Variants in MTMR12 observed in about 807,000 individuals in gnomAD.
The protein encoded by MTMR12 is myotubularin related protein 12.
In MTMR12, 33 loss-of-function variants were observed where a neutral mutation model predicts 96.7. The observed-to-expected ratio is 0.34, with a 90% CI of 0.26 to 0.46. MTMR12 has a LOEUF of 0.46. MTMR12 is among the 20% of genes least tolerant of loss of function. The probability of loss-of-function intolerance (pLI) is 1.00; values close to 1 mark genes in which losing one functional copy is unlikely to be tolerated. For missense variants in MTMR12, 721 were observed against 896.1 expected (o/e 0.80, Z 2.49); for synonymous variants, 298 against 327.2 (o/e 0.91, Z 0.96).
At chr5:32,296,509 A>G (rs1249049977) in intron 1 of MTMR12, 1 of 351,640 alleles carries the variant, frequency 2.8e-6, no homozygotes, top group Non-Finnish European at 5.9e-6. Context: ...AAAAAGGTGT[A>G]ATTGGCTGGG....
intron 1 of MTMR12, among the ~76,000 whole-genome samples, chr5:32,295,039 G>GA (rs1750873849): frequency 6.6e-6 from 1 of 152,306 alleles, no homozygotes; most frequent in Admixed American, 6.5e-5. Context: ...ACTAAAGACT[G>GA]AATGAATCCA....
chr5:32,296,343 G>A (rs1370874218), intron 1 of MTMR12: 1 of 167,012 alleles, frequency 6.0e-6, no homozygotes, highest in East Asian at 1.9e-4. Context: ...ACCTGGGCAT[G>A]TTGTGTGTAC....
chr5:32,274,459 T>C (rs543187716), intron 2 of MTMR12, among the ~76,000 whole-genome samples: 33 of 152,324 alleles, frequency 2.2e-4, no homozygotes, highest in Admixed American at 9.1e-4. Flanking sequence ...TTCATTACTT[T>C]GACCCAAGCA....
rs535799633 is a variant in MTMR12 at position 32,238,906 on chromosome 5, C to A, written c.1344+95G>T. On this transcript the variant is annotated intron_variant, in intron 13 of 15. Transcript: ENST00000382142. ...ACAAACCTGTTTGGCTTACACTTTG[C>A]AAGCAGCAATCCTACTACATCTGAT... 19 of 1,305,706 alleles carry A rather than the reference C, an allele frequency of 1.5e-5. No individual in the cohort carries two copies. The South Asian group carries it at 4.1e-4, about 28-fold the overall frequency. 80.9% of individuals were successfully genotyped at this position (1,305,706 alleles called of 1,614,324 possible). A position where few individuals can be genotyped will look rare whatever the true frequency, so the allele number is the denominator to read the frequency against.
intron 8 of MTMR12, among the ~76,000 whole-genome samples, chr5:32,255,387 G>A (rs1223770461): frequency 6.6e-6 from 1 of 152,210 alleles, no homozygotes; most frequent in Non-Finnish European, 1.5e-5. Flanking sequence ...CCCTTGGCGT[G>A]CTTTGGCTCA....
At chr5:32,236,408 A>G (rs1473527075) in intron 13 of MTMR12, among the ~76,000 whole-genome samples, 1 of 152,144 alleles carries the variant, frequency 6.6e-6, no homozygotes, top group Non-Finnish European at 1.5e-5. Context: ...TTAGCTAGGC[A>G]TGGTAGTGTA....
At chr5:32,246,169 A>AGTTTTTTTTTTTTC (rs1554056236) in intron 10 of MTMR12, among the ~76,000 whole-genome samples, 1 of 130,828 alleles carries the variant, frequency 7.6e-6, no homozygotes, top group Non-Finnish European at 1.6e-5. Context: ...TTGAGTAGAC[A>AGTTTTTTTTTTTTC]GTTTTTTTTT....
chr5:32,240,788 A>G (rs946989331), intron 12 of MTMR12, among the ~76,000 whole-genome samples: 1 of 152,128 alleles, frequency 6.6e-6, no homozygotes, highest in Non-Finnish European at 1.5e-5. Flanking sequence ...ATTAGTAGAG[A>G]CAGGGTTTCG....
At chr5:32,234,731 A>G in intron 14 of MTMR12, 1 of 370,604 alleles carries the variant, frequency 2.7e-6, no homozygotes. Flanking sequence ...TCTTAGACCA[A>G]TGCTTGGTAT....
In MTMR12 at chr5:32,273,982, C is replaced by T; in HGVS notation, c.283G>A (p.Asp95Asn). ...TGCCAAATGCAGCCCATACATACAT[C>T]ATTATCCAATGCAGATTCATCATCA... Reference protein sequence around the residue: ...LGDDESALDNDETQFKNKVIG... With the variant: ...LGDDESALDNNETQFKNKVIG... The change falls in exon 3 of 16, where the codon GAT (aspartate) becomes AAT (asparagine). Residue 95 changes from aspartate (D) to asparagine (N), a missense_variant and splice_region_variant. Physicochemically the swap from Asp to Asn is conservative, Grantham distance 23 (BLOSUM62 1). Coordinates refer to ENST00000382142, the MANE Select transcript of MTMR12 (RefSeq NM_001040446.3). 6.2e-7 allele frequency: 1 copy of T among 1,614,114 alleles called. No homozygotes were observed. Among genetic ancestry groups the T allele is most frequent in the East Asian group, 2.2e-5 (1 of 44,892 alleles).
At chr5:32,298,081 G>A (rs113665699) in intron 1 of MTMR12, among the ~76,000 whole-genome samples, 1,751 of 152,332 alleles carry the variant, frequency 0.011, 35 homozygotes, top group African/African-American at 0.041. Flanking sequence ...GGCAAGAAGC[G>A]TGGAGGGCTC....
chr5:32,262,028 C>T (rs542847753), intron 7 of MTMR12, among the ~76,000 whole-genome samples: 6 of 152,192 alleles, frequency 3.9e-5, no homozygotes, highest in African/African-American at 1.2e-4. Flanking sequence ...ACCGAGATCA[C>T]GCCACTGCAC....
At chr5:32,234,045 G>T in intron 14 of MTMR12, 111 bp from the exon 15 acceptor site, 1 of 1,279,162 alleles carries the variant, frequency 7.8e-7, no homozygotes. Flanking sequence ...CCCTGAGAAT[G>T]AATAATCATG....
chr5:32,239,922 T>C (rs1314036479), intron 12 of MTMR12, among the ~76,000 whole-genome samples: 1 of 152,214 alleles, frequency 6.6e-6, no homozygotes, highest in Non-Finnish European at 1.5e-5. Context: ...TTAACATTCA[T>C]GACTTAGAGC....
intron 3 of MTMR12, among the ~76,000 whole-genome samples, chr5:32,272,913 T>C (rs1440710168): frequency 2.6e-5 from 4 of 152,188 alleles, no homozygotes; most frequent in Non-Finnish European, 4.4e-5. Flanking sequence ...GAAGAGGCAG[T>C]ACTGGTGCTG....
chr5:32,260,337 A>C (rs557212378), intron 7 of MTMR12, among the ~76,000 whole-genome samples: 1 of 151,690 alleles, frequency 6.6e-6, no homozygotes, highest in South Asian at 2.1e-4. Flanking sequence ...TGCGACATGG[A>C]GAATGGATGC....
intron 6 of MTMR12, among the ~76,000 whole-genome samples, chr5:32,268,172 C>T (rs777391057): frequency 1.3e-5 from 2 of 151,916 alleles, no homozygotes; most frequent in Non-Finnish European, 2.9e-5. Context: ...TCAAACAATC[C>T]CTTGCAAAAA....
rs948181886 is a variant in MTMR12, at chr5:32,229,273, G to C, written c.*505C>G. 5 of 152,452 alleles carry C rather than the reference G, an allele frequency of 3.3e-5. No homozygotes were observed. Among genetic ancestry groups the C allele is most frequent in the Non-Finnish European group, 7.3e-5 (5 of 68,066 alleles). 9.4% of individuals were successfully genotyped at this position (152,452 alleles called of 1,614,324 possible). On this transcript the variant is annotated 3_prime_UTR_variant, in exon 16 of 16. Coordinates refer to ENST00000382142, the MANE Select transcript of MTMR12 (RefSeq NM_001040446.3). ...GGGCGTAGAAAGAAAAAAATGTGAT[G>C]GTTTAAGTAAATGCCACACATCTTA...
At chr5:32,250,701 G>A (rs1438634876) in intron 8 of MTMR12, among the ~76,000 whole-genome samples, 1 of 152,180 alleles carries the variant, frequency 6.6e-6, no homozygotes. Context: ...TGGAGCAGAA[G>A]GGCAGAAAGC....
Sources: allele counts gnomAD v4.1 joint callset (sites outside exome capture counted in the v4.1 genomes callset), GRCh38; gene constraint gnomAD v4.1.1; transcripts MANE v1.5; gene names NCBI Gene and HGNC (gene_info 2026-07-23, HGNC 2026-07-21).